Variants in SUPT3H observed in about 807,000 individuals in gnomAD.
SUPT3H encodes the protein transcription initiation protein SPT3 homolog.
A neutral mutation model predicts 44.3 loss-of-function variants in SUPT3H; 44 were observed. The observed-to-expected ratio is 0.99, with a 90% CI of 0.78 to 1.28. The LOEUF is 1.28. Ranked by LOEUF, SUPT3H falls within the 50% of genes most tolerant of loss-of-function variation. The pLI, the probability that SUPT3H is intolerant of heterozygous loss-of-function variation, is 0.00. For synonymous variants in SUPT3H, 124 were observed against 125.6 expected, an observed-to-expected ratio of 0.99 and a Z score of 0.09; for missense variants, 380 against 387.1, an observed-to-expected ratio of 0.98 and a Z score of 0.15.
rs114323401 is a variant in SUPT3H, at chr6:45,228,565, C to G, written c.102-122559G>C. Among the ~76,000 whole-genome samples the G allele has an allele frequency of 3.9e-3, 587 of 152,248 alleles. 1 individual carries two copies. The highest frequency in any genetic ancestry group is 6.9e-3 in the Non-Finnish European group (468 of 68,018). ...TGTGAGCCAACTCTTTATAATAAATCTCTTTCTATGCAAACACCCGCGCGC... is the reference window on the plus strand; with the variant it reads ...TGTGAGCCAACTCTTTATAATAAATGTCTTTCTATGCAAACACCCGCGCGC... On this transcript the variant is annotated intron_variant, in intron 2 of 10. Coordinates refer to ENST00000371459, the MANE Select transcript of SUPT3H (RefSeq NM_003599.4).
chr6:45,374,036 T>C (rs1796449244), intron 1 of SUPT3H, among the ~76,000 whole-genome samples: 1 of 152,342 alleles, frequency 6.6e-6, no homozygotes, highest in Non-Finnish European at 1.5e-5. Context: ...AGTAAGACGA[T>C]AATTTTTAAA....
At chr6:44,859,114 A>G (rs1774204794) in intron 10 of SUPT3H, among the ~76,000 whole-genome samples, 1 of 152,226 alleles carries the variant, frequency 6.6e-6, no homozygotes, top group Non-Finnish European at 1.5e-5. Flanking sequence ...AAAAGAGTCC[A>G]TCTAACTCAA....
At chr6:45,070,929 G>A (rs1257877714) in intron 3 of SUPT3H, among the ~76,000 whole-genome samples, 4 of 151,948 alleles carry the variant, frequency 2.6e-5, no homozygotes, top group Non-Finnish European at 1.5e-5. Context: ...CATCCGAGCC[G>A]CAAAACAAAT....
chr6:45,305,246 T>C (rs532934467), intron 2 of SUPT3H, among the ~76,000 whole-genome samples: 1 of 152,306 alleles, frequency 6.6e-6, no homozygotes, highest in South Asian at 2.1e-4. Context: ...ACTCGTTTCA[T>C]CTCACCACCT....
chr6:45,304,341 CA>C (rs1782659719), intron 2 of SUPT3H, among the ~76,000 whole-genome samples: 1 of 152,064 alleles, frequency 6.6e-6, no homozygotes, highest in Admixed American at 6.6e-5. Context: ...ATCAATTTAG[CA>C]GAGGAATGTT....
intron 11 of SUPT3H, among the ~76,000 whole-genome samples, chr6:44,819,012 T>C (rs1311659382): frequency 6.6e-6 from 1 of 152,248 alleles, no homozygotes; most frequent in Non-Finnish European, 1.5e-5. Flanking sequence ...CACAAAGATC[T>C]GTCCATTTGT....
intron 2 of SUPT3H, among the ~76,000 whole-genome samples, chr6:45,154,405 T>C (rs1562564834): frequency 6.6e-6 from 1 of 152,054 alleles, no homozygotes; most frequent in African/African-American, 2.4e-5. Flanking sequence ...GCCAGTGTTG[T>C]GGCTCAGAAA....
At chr6:45,007,680 G>A (rs1203189198) in intron 5 of SUPT3H, among the ~76,000 whole-genome samples, 1 of 149,938 alleles carries the variant, frequency 6.7e-6, no homozygotes, top group Non-Finnish European at 1.5e-5. Context: ...ATTACGTTCT[G>A]TCTTAGCTTC....
chr6:44,917,818 A>T (rs887481595), intron 10 of SUPT3H, among the ~76,000 whole-genome samples: 1 of 152,232 alleles, frequency 6.6e-6, no homozygotes, highest in Non-Finnish European at 1.5e-5. Context: ...ATGGAAATTT[A>T]AAAATACTCC....
rs537571670 is a variant in SUPT3H at position 44,980,243 on chromosome 6, T to C, written c.505-18415A>G. 3.4e-4 allele frequency among the ~76,000 whole-genome samples: 50 copies of C among 148,680 alleles called. 1 individual carries two copies. In the South Asian group the frequency reaches 0.01, roughly 31 times the overall value. On this transcript the variant is annotated intron_variant, in intron 6 of 10. Transcript: ENST00000371459. ...GAAAGGGTAGGGAGTGTACCCTTTC[T>C]CTAAAAAAAAAAAAAAGAAAAAATG... is the stretch of plus-strand genomic sequence containing the variant.
rs775748800 is a variant in SUPT3H at position 44,829,953 on chromosome 6, ACT to A, written c.913-98_913-97del. The A allele has an allele frequency of 4.6e-6, 5 of 1,094,622 alleles. No homozygotes were observed. The African/African-American group carries it at 7.8e-5, about 17-fold the overall frequency. 67.8% of individuals were successfully genotyped at this position (1,094,622 alleles called of 1,614,324 possible). On this transcript the variant is annotated intron_variant, in intron 10 of 10. Coordinates refer to ENST00000371459, the MANE Select transcript of SUPT3H (RefSeq NM_003599.4). Reference sequence around the variant, plus strand: ...GCAGAGCCCTCTTCCTGTTTTGTAGACTCTGCTGGCTACAATCTAATAGAATG... The same window carrying A: ...GCAGAGCCCTCTTCCTGTTTTGTAGACTGCTGGCTACAATCTAATAGAATG...
chr6:44,888,418 T>C (rs1460170264), intron 10 of SUPT3H, among the ~76,000 whole-genome samples: 3 of 152,254 alleles, frequency 2.0e-5, no homozygotes, highest in South Asian at 2.1e-4. Context: ...TTATCCACCA[T>C]GATCAAGTGG....
At chr6:45,034,586 A>G (rs1787410694) in intron 3 of SUPT3H, among the ~76,000 whole-genome samples, 1 of 152,226 alleles carries the variant, frequency 6.6e-6, no homozygotes, top group Non-Finnish European at 1.5e-5. Context: ...GTCCAGCACC[A>G]GATAAACACT....
chr6:45,255,712 C>G (rs1007889479), intron 2 of SUPT3H, among the ~76,000 whole-genome samples: 1 of 152,106 alleles, frequency 6.6e-6, no homozygotes, highest in Non-Finnish European at 1.5e-5. Context: ...CATGACCCAT[C>G]AAACCCAGAC....
intron 9 of SUPT3H, among the ~76,000 whole-genome samples, chr6:44,938,222 T>C (rs185246353): frequency 1.3e-5 from 2 of 152,212 alleles, no homozygotes; most frequent in Admixed American, 1.3e-4. Context: ...TATCTTTAAG[T>C]CTTTATTCCA....
chr6:44,891,005 A>C (rs1400646082), intron 10 of SUPT3H, among the ~76,000 whole-genome samples: 1 of 151,988 alleles, frequency 6.6e-6, no homozygotes, highest in Non-Finnish European at 1.5e-5. Context: ...GGGAGGGGTA[A>C]CATTAGGAGA....
At chr6:45,124,225 A>C (rs1015016108) in intron 2 of SUPT3H, among the ~76,000 whole-genome samples, 9 of 152,242 alleles carry the variant, frequency 5.9e-5, no homozygotes, top group Admixed American at 1.3e-4. Flanking sequence ...TACTGTAGCT[A>C]TTATATTATT....
chr6:45,019,161 G>A (rs548568541), intron 4 of SUPT3H, among the ~76,000 whole-genome samples: 82 of 152,146 alleles, frequency 5.4e-4, no homozygotes, highest in Non-Finnish European at 1.0e-3. Context: ...TTCTCTGATG[G>A]TAGTTTGTAT....
intron 2 of SUPT3H, among the ~76,000 whole-genome samples, chr6:45,277,312 A>G (rs1172051700): frequency 6.6e-6 from 1 of 152,240 alleles, no homozygotes; most frequent in African/African-American, 2.4e-5. Flanking sequence ...TACAAAGAAA[A>G]GGAGGTTTAG....
Sources: gnomAD v4.1 joint callset for allele counts (sites outside exome capture counted in the v4.1 genomes callset) on GRCh38, gnomAD v4.1.1 for gene constraint, MANE v1.5 for transcripts, NCBI Gene and HGNC (gene_info 2026-07-23, HGNC 2026-07-21) for gene names.